The following RABGAP1L variants were observed in gnomAD, a reference collection of about 807,000 sequenced individuals.
RABGAP1L encodes rab GTPase-activating protein 1-like.
RABGAP1L carries 63 observed loss-of-function variants against 137.7 expected under a neutral mutation model. That is an observed-to-expected ratio of 0.46 (90% CI 0.37 to 0.56). The LOEUF (loss-of-function observed/expected upper bound fraction) is 0.56, where lower values mean the gene tolerates loss of function less well. RABGAP1L is among the 20% of genes least tolerant of loss of function. RABGAP1L has a pLI of 0.00. For synonymous variants in RABGAP1L, 431 were observed against 433.7 expected, an observed-to-expected ratio of 0.99 and a Z score of 0.08; for missense variants, 1,095 against 1,244.0, an observed-to-expected ratio of 0.88 and a Z score of 1.80.
intron 13 of RABGAP1L, among the ~76,000 whole-genome samples, chr1:174,465,010 C>T (rs1433885276): frequency 6.6e-6 from 1 of 151,998 alleles, no homozygotes; most frequent in Non-Finnish European, 1.5e-5. Context: ...TCCTATTGAT[C>T]CTATTGACAT....
At chr1:174,411,854 G>A (rs1649969475) in intron 13 of RABGAP1L, among the ~76,000 whole-genome samples, 1 of 152,072 alleles carries the variant, frequency 6.6e-6, no homozygotes, top group Admixed American at 6.6e-5. Flanking sequence ...AGTATGGTTT[G>A]TGTGACTTTT....
At chr1:174,717,381 C>T (rs1461006164) in intron 17 of RABGAP1L, among the ~76,000 whole-genome samples, 1 of 152,120 alleles carries the variant, frequency 6.6e-6, no homozygotes, top group African/African-American at 2.4e-5. Context: ...TGTACTCCAG[C>T]CTGGGCAACA....
chr1:174,287,072 C>A (rs916661272), intron 10 of RABGAP1L, among the ~76,000 whole-genome samples: 1 of 152,016 alleles, frequency 6.6e-6, no homozygotes, highest in Non-Finnish European at 1.5e-5. Context: ...TTGTTCAAAT[C>A]TGTTGATTCC....
At chr1:174,527,732 G>A (rs956771008) in intron 13 of RABGAP1L, among the ~76,000 whole-genome samples, 2 of 152,102 alleles carry the variant, frequency 1.3e-5, no homozygotes, top group African/African-American at 4.8e-5. Flanking sequence ...TGAGAGTGGA[G>A]TGTTGAAGTC....
intron 11 of RABGAP1L, among the ~76,000 whole-genome samples, chr1:174,327,340 G>A (rs1488170623): frequency 1.3e-5 from 2 of 151,846 alleles, no homozygotes; most frequent in African/African-American, 2.4e-5. Flanking sequence ...ATAAAAAGAT[G>A]TATATAAAAA....
intron 18 of RABGAP1L, among the ~76,000 whole-genome samples, chr1:174,781,432 A>G (rs1374295114): frequency 6.6e-6 from 1 of 152,010 alleles, no homozygotes; most frequent in East Asian, 1.9e-4. Context: ...TTTCTTGTAA[A>G]TTTGTTTGAG....
chr1:174,321,653 T>C (rs1680005125), intron 11 of RABGAP1L, among the ~76,000 whole-genome samples: 1 of 152,206 alleles, frequency 6.6e-6, no homozygotes, highest in Admixed American at 6.5e-5. Context: ...CCCATTTCAC[T>C]TGGAAAAATA....
At chr1:174,571,264 G>T (rs1667960477) in intron 13 of RABGAP1L, among the ~76,000 whole-genome samples, 1 of 152,120 alleles carries the variant, frequency 6.6e-6, no homozygotes. Flanking sequence ...AGTTACCAGA[G>T]GCTGGGAAGG....
intron 19 of RABGAP1L, among the ~76,000 whole-genome samples, chr1:174,950,092 C>G (rs1249918406): frequency 6.6e-6 from 1 of 152,236 alleles, no homozygotes; most frequent in African/African-American, 2.4e-5. Context: ...ATTGGGAAAG[C>G]TAGACATGTC....
intron 20 of RABGAP1L, among the ~76,000 whole-genome samples, chr1:174,965,151 A>G (rs1337013968): frequency 1.3e-5 from 2 of 152,136 alleles, no homozygotes; most frequent in African/African-American, 4.8e-5. Flanking sequence ...TTTTTGTTCA[A>G]ACGGTGTCAG....
At chr1:174,861,746 A>G (rs1464261919) in intron 19 of RABGAP1L, among the ~76,000 whole-genome samples, 1 of 152,014 alleles carries the variant, frequency 6.6e-6, no homozygotes, top group Non-Finnish European at 1.5e-5. Context: ...TGTATTTATG[A>G]CTTCTTTGGG....
intron 13 of RABGAP1L, among the ~76,000 whole-genome samples, chr1:174,441,733 TCAAAA>T (rs1192238251): frequency 6.7e-6 from 1 of 150,054 alleles, no homozygotes; most frequent in African/African-American, 2.5e-5. Flanking sequence ...AAACTCTGTC[TCAAAA>T]CAAACAAACA....
chr1:174,426,683 G>A (rs904261288), intron 13 of RABGAP1L, among the ~76,000 whole-genome samples: 1 of 152,058 alleles, frequency 6.6e-6, no homozygotes, highest in Admixed American at 6.6e-5. Context: ...AATGTTGACT[G>A]TAAGTTACTT....
chr1:174,223,264 TAAAAAA>T (rs550034492), intron 3 of RABGAP1L, among the ~76,000 whole-genome samples: 7 of 39,846 alleles, frequency 1.8e-4, no homozygotes, highest in African/African-American at 4.2e-4. Context: ...AGACTCTGTC[TAAAAAA>T]AAAAAAAAAA....
chr1:174,925,876 G>GTTTTTTTGTGTGGTTTTTTTTTTTTTTT (rs1662717041), intron 19 of RABGAP1L, among the ~76,000 whole-genome samples: 1 of 108,672 alleles, frequency 9.2e-6, no homozygotes, highest in African/African-American at 2.9e-5. Context: ...TTTTGTTTTT[G>GTTTTTTTGTGTGGTTTTTTTTTTTTTTT]TTTTTTTTTT....
chr1:174,934,958 GA>G (rs1372945550), intron 19 of RABGAP1L: 1 of 152,150 alleles, frequency 6.6e-6, no homozygotes, highest in African/African-American at 2.4e-5. Flanking sequence ...GGCATGAAAA[GA>G]TAAACAAAAT....
chr1:174,977,872 A>G (rs1177920402), intron 22 of RABGAP1L, among the ~76,000 whole-genome samples: 6 of 152,220 alleles, frequency 3.9e-5, no homozygotes. Context: ...GAATTTTAGA[A>G]TCTAACAGAT....
rs1365346538 is a variant in RABGAP1L at position 174,346,748 on chromosome 1, CT to C, written c.1466-24223del. Among the ~76,000 whole-genome samples, 13 of 149,968 alleles carry C rather than the reference CT, an allele frequency of 8.7e-5. No homozygotes were observed. In the Middle Eastern group the frequency reaches 0.021, roughly 239 times the overall value. Reference sequence around the variant, plus strand: ...ATTTCTGGTGTGATATTTATTATTTCTTTTTTTTCTCCTAATTTTAGGTTTG... The same window carrying C: ...ATTTCTGGTGTGATATTTATTATTTCTTTTTTTCTCCTAATTTTAGGTTTG... On this transcript the variant is annotated intron_variant, in intron 11 of 25. Coordinates refer to ENST00000681986, the MANE Select transcript of RABGAP1L (RefSeq NM_001366446.1).
intron 19 of RABGAP1L, among the ~76,000 whole-genome samples, chr1:174,819,156 C>A (rs781051862): frequency 7.0e-6 from 1 of 142,164 alleles, no homozygotes; most frequent in Non-Finnish European, 1.5e-5. Flanking sequence ...GCATTCCAGC[C>A]CAGGTGACAG....
Sources: gnomAD v4.1 joint callset for allele counts (sites outside exome capture counted in the v4.1 genomes callset) on GRCh38, gnomAD v4.1.1 for gene constraint, MANE v1.5 for transcripts, NCBI Gene and HGNC (gene_info 2026-07-23, HGNC 2026-07-21) for gene names.